CSMD1: variants seen among roughly 807,000 people sequenced by gnomAD.
The protein encoded by CSMD1 is CUB and Sushi multiple domains 1, also known as CUB and sushi domain-containing protein 1.
A neutral mutation model predicts 417.5 loss-of-function variants in CSMD1; 213 were observed. The ratio of observed to expected loss-of-function variants is 0.51; its 90% CI spans 0.46 to 0.57. CSMD1 has a LOEUF of 0.57. Among genes scored for constraint, CSMD1 ranks in the 20% least tolerant of loss-of-function variants. The pLI is 0.00. For synonymous variants in CSMD1, 2,862 were observed against 1,736.8 expected (o/e 1.65, Z -16.11); for missense variants, 6,923 against 4,529.7 (o/e 1.53, Z -15.17).
chr8:4,801,516 A>C (rs28737227), intron 1 of CSMD1, among the ~76,000 whole-genome samples: 8,337 of 152,184 alleles, frequency 0.055, 391 homozygotes, highest in East Asian at 0.23. Context: ...GTCATTTTGA[A>C]GGGCAGCAGT....
chr8:4,762,457 T>C (rs1183751358), intron 1 of CSMD1, among the ~76,000 whole-genome samples: 5 of 152,182 alleles, frequency 3.3e-5, no homozygotes, highest in Non-Finnish European at 5.9e-5. Flanking sequence ...AGCATCTCAG[T>C]TATTTAACAT....
chr8:3,386,571 GC>G (rs566056754), intron 18 of CSMD1, among the ~76,000 whole-genome samples: 168 of 152,272 alleles, frequency 1.1e-3, no homozygotes, highest in Non-Finnish European at 2.1e-3. Context: ...TATTTTGGGT[GC>G]TCATTTTAAA....
chr8:4,605,468 T>C (rs1349362615), intron 2 of CSMD1, among the ~76,000 whole-genome samples: 1 of 152,168 alleles, frequency 6.6e-6, no homozygotes, highest in African/African-American at 2.4e-5. Flanking sequence ...TTATGATGAT[T>C]CATCTTACCT....
intron 1 of CSMD1, among the ~76,000 whole-genome samples, chr8:4,714,199 G>A (rs143983524): frequency 6.6e-6 from 1 of 151,922 alleles, no homozygotes; most frequent in Non-Finnish European, 1.5e-5. Flanking sequence ...CAAGCTCCAC[G>A]TCCACCGTGT....
At chr8:3,703,202 G>GC (rs1800965849) in intron 7 of CSMD1, among the ~76,000 whole-genome samples, 2 of 152,232 alleles carry the variant, frequency 1.3e-5, no homozygotes, top group African/African-American at 4.8e-5. Flanking sequence ...CGCCCTCACC[G>GC]CACAGAAGAG....
intron 7 of CSMD1, among the ~76,000 whole-genome samples, chr8:3,674,400 T>C (rs1799260429): frequency 2.6e-5 from 4 of 152,290 alleles, no homozygotes; most frequent in Non-Finnish European, 4.4e-5. Flanking sequence ...TCCTAAGCAT[T>C]TCTCATTCAA....
intron 3 of CSMD1, among the ~76,000 whole-genome samples, chr8:4,288,633 C>T (rs557552922): frequency 4.6e-5 from 7 of 152,272 alleles, no homozygotes; most frequent in Non-Finnish European, 7.4e-5. Flanking sequence ...AAGGATGTTG[C>T]CACCAACTCT....
chr8:3,477,378 T>G (rs1817492924), intron 11 of CSMD1, among the ~76,000 whole-genome samples: 1 of 152,230 alleles, frequency 6.6e-6, no homozygotes, highest in Non-Finnish European at 1.5e-5. Flanking sequence ...TTATGTTCCT[T>G]TAATGTCCAC....
At chr8:3,320,011 G>T (rs745314473) in intron 23 of CSMD1, among the ~76,000 whole-genome samples, 1 of 152,062 alleles carries the variant, frequency 6.6e-6, no homozygotes, top group African/African-American at 2.4e-5. Flanking sequence ...AATAGACCGG[G>T]CCCCAACTTC....
At chr8:4,180,311 G>A (rs1469404758) in intron 3 of CSMD1, among the ~76,000 whole-genome samples, 1 of 151,588 alleles carries the variant, frequency 6.6e-6, no homozygotes, top group African/African-American at 2.4e-5. Flanking sequence ...ATCATTGTCA[G>A]TAAACTATTG....
intron 1 of CSMD1, among the ~76,000 whole-genome samples, chr8:4,796,888 C>T (rs963258886): frequency 6.6e-6 from 1 of 152,198 alleles, no homozygotes; most frequent in Non-Finnish European, 1.5e-5. Context: ...ATGCACACAA[C>T]TGAAACGCTA....
chr8:3,727,305 G>A (rs1293536771), intron 6 of CSMD1, among the ~76,000 whole-genome samples: 4 of 152,176 alleles, frequency 2.6e-5, no homozygotes, highest in Non-Finnish European at 5.9e-5. Context: ...CAGCTCATCT[G>A]CAGAGCCTCC....
At position 3,856,232 on chromosome 8, in the gene CSMD1, G is replaced by A. The variant is rs564045229; in HGVS notation, c.819-102190C>T. ...AGTTCTCATAAAAGCTGTTTGTGTAGCACCTGCTCTCTCTCTTCTTCCTAC... is the reference window on the plus strand; with the variant it reads ...AGTTCTCATAAAAGCTGTTTGTGTAACACCTGCTCTCTCTCTTCTTCCTAC... On this transcript the variant is annotated intron_variant, in intron 5 of 69. Coordinates refer to ENST00000635120, the MANE Select transcript of CSMD1 (RefSeq NM_033225.6). Among the ~76,000 whole-genome samples, 10 of 152,104 alleles carry A rather than the reference G, an allele frequency of 6.6e-5. No individual in the cohort carries two copies. In the South Asian group the frequency reaches 1.0e-3, roughly 16 times the overall value.
intron 23 of CSMD1, among the ~76,000 whole-genome samples, chr8:3,313,758 T>A (rs1471200421): frequency 6.6e-6 from 1 of 152,156 alleles, no homozygotes; most frequent in East Asian, 1.9e-4. Flanking sequence ...GACCCAGCCA[T>A]CCCATTACTG....
At chr8:4,099,111 C>A (rs1451061362) in intron 3 of CSMD1, among the ~76,000 whole-genome samples, 3 of 151,042 alleles carry the variant, frequency 2.0e-5, no homozygotes, top group African/African-American at 4.9e-5. Context: ...CTTTTTTTGT[C>A]CATCTCTGCT....
intron 3 of CSMD1, among the ~76,000 whole-genome samples, chr8:4,317,176 G>A (rs1798982719): frequency 6.6e-6 from 1 of 152,166 alleles, no homozygotes; most frequent in African/African-American, 2.4e-5. Flanking sequence ...AAGTTTTACA[G>A]TTTATAAAGC....
intron 2 of CSMD1, among the ~76,000 whole-genome samples, chr8:4,447,482 C>A (rs563244558): frequency 2.2e-4 from 34 of 152,322 alleles, no homozygotes; most frequent in Non-Finnish European, 3.1e-4. Context: ...TAAACAAAAT[C>A]TTTAAATCTA....
At chr8:4,609,883 G>T (rs1801072455) in intron 2 of CSMD1, among the ~76,000 whole-genome samples, 1 of 152,096 alleles carries the variant, frequency 6.6e-6, no homozygotes, top group African/African-American at 2.4e-5. Flanking sequence ...ATGGGATGCA[G>T]GATATTTTCA....
At chr8:3,793,169 G>A (rs1585006598) in intron 5 of CSMD1, among the ~76,000 whole-genome samples, 1 of 152,170 alleles carries the variant, frequency 6.6e-6, no homozygotes, top group African/African-American at 2.4e-5. Context: ...CAGAGGGGCT[G>A]ATGGATTTTG....
Sources: gnomAD v4.1 joint callset for allele counts (sites outside exome capture counted in the v4.1 genomes callset) on GRCh38, gnomAD v4.1.1 for gene constraint, MANE v1.5 for transcripts, NCBI Gene and HGNC (gene_info 2026-07-23, HGNC 2026-07-21) for gene names.